Variants in COL17A1 observed in about 807,000 individuals in gnomAD.
COL17A1 encodes collagen alpha-1(XVII) chain.
COL17A1 carries 181 observed loss-of-function variants against 218.4 expected under a neutral mutation model. The ratio of observed to expected loss-of-function variants is 0.83; its 90% CI spans 0.73 to 0.94. The LOEUF (loss-of-function observed/expected upper bound fraction) is 0.94. Ranked by LOEUF, COL17A1 falls within the 40% of genes least tolerant of loss-of-function variation. COL17A1 has a pLI of 0.00. For missense variants in COL17A1, 1,924 were observed against 1,945.9 expected, an observed-to-expected ratio of 0.99 and a Z score of 0.21; for synonymous variants, 721 against 731.0, an observed-to-expected ratio of 0.99 and a Z score of 0.22.
chr10:104,033,064 T>TG, intron 53 of COL17A1, 96 bp from the exon 54 acceptor site: 1 of 1,534,970 alleles, frequency 6.5e-7, no homozygotes, highest in Middle Eastern at 1.7e-4. Context: ...GAGATAGTGA[T>TG]GGAGTTTGGA....
At chr10:104,073,914 C>T (rs2086688110) in intron 6 of COL17A1, 1 of 442,752 alleles carries the variant, frequency 2.3e-6, no homozygotes, top group Non-Finnish European at 4.2e-6. Context: ...GCCTTAGGGG[C>T]TTATCCATCC....
chr10:104,073,613 C>G (rs1164058883), intron 6 of COL17A1, among the ~76,000 whole-genome samples: 4 of 152,172 alleles, frequency 2.6e-5, no homozygotes, highest in African/African-American at 9.7e-5. Context: ...TTATTCGAGA[C>G]TGCCATGGTT....
At chr10:104,080,569 T>G in intron 2 of COL17A1, 53 bp downstream of exon 2, 9 of 1,593,858 alleles carry the variant, frequency 5.6e-6, no homozygotes, top group Non-Finnish European at 7.7e-6. Flanking sequence ...GTTTCCAAAT[T>G]TTTATTACTT....
intron 9 of COL17A1, among the ~76,000 whole-genome samples, 170 bp from the exon 10 acceptor site, chr10:104,064,766 G>A (rs2086613095): frequency 6.6e-6 from 1 of 152,186 alleles, no homozygotes; most frequent in Non-Finnish European, 1.5e-5. Flanking sequence ...TGAAATCTCA[G>A]AGCTGGTGAA....
At chr10:104,081,810 A>G (rs1346354055) in intron 1 of COL17A1, among the ~76,000 whole-genome samples, 2 of 152,208 alleles carry the variant, frequency 1.3e-5, no homozygotes, top group African/African-American at 4.8e-5. Context: ...GGCCCACAGC[A>G]CATTTTGGGG....
At position 104,050,547 on chromosome 10, in the gene COL17A1, C is replaced by G. The variant is rs964298121; in HGVS notation, c.2128+74G>C. 3 of 1,608,616 alleles carry G rather than the reference C, an allele frequency of 1.9e-6. No homozygotes were observed. In the African/African-American group the frequency reaches 4.0e-5, roughly 22 times the overall value. On this transcript the variant is annotated intron_variant, in intron 27 of 55. Transcript: ENST00000648076. ...AGGTCCTGTGCACCCTCAGACCCTA[C>G]AGTGAGGGTCCCATCTGGGCTCCCA...
intron 9 of COL17A1, among the ~76,000 whole-genome samples, chr10:104,065,392 G>T (rs748415994): frequency 1.6e-4 from 25 of 152,174 alleles, no homozygotes; most frequent in Middle Eastern, 3.4e-3. Flanking sequence ...TTATATTTCT[G>T]CCTTCCACAG....
intron 47 of COL17A1, 67 bp from the exon 48 acceptor site, chr10:104,036,699 A>G: frequency 6.3e-7 from 1 of 1,583,028 alleles, no homozygotes; most frequent in Non-Finnish European, 8.6e-7. Flanking sequence ...TGATCCAGCC[A>G]CAGCCTGGGC....
chr10:104,073,289 G>A (rs1480828044), intron 6 of COL17A1, 44 bp from the exon 7 acceptor site: 3 of 1,572,160 alleles, frequency 1.9e-6, no homozygotes, highest in Admixed American at 3.3e-5. Flanking sequence ...ATAAGAGGTG[G>A]CATGCTAAAT....
At chr10:104,059,614 G>C (rs377597241) in intron 15 of COL17A1, 24 bp downstream of exon 15, 9 of 1,602,658 alleles carry the variant, frequency 5.6e-6, no homozygotes, top group Non-Finnish European at 7.7e-6. Flanking sequence ...AGTCAAGGTG[G>C]ACAACAATCA....
chr10:104,041,268 C>G, intron 38 of COL17A1, 35 bp downstream of exon 38: 3 of 1,600,136 alleles, frequency 1.9e-6, no homozygotes, highest in Non-Finnish European at 2.6e-6. Context: ...TCTCACCTCC[C>G]CCTCCCACCT....
chr10:104,033,829 C>A lies in COL17A1; in HGVS notation c.4156+116G>T, dbSNP rs11596192. 338,286 of 1,500,576 alleles carry A rather than the reference C, an allele frequency of 0.23. 39,169 individuals are homozygous for A. Among genetic ancestry groups the A allele is most frequent in the Non-Finnish European group, 0.24 (261,696 of 1,100,808 alleles). The allele number at this position is 1,500,576 out of a possible 1,614,324, so 93.0% of individuals were successfully genotyped here. A position where few individuals can be genotyped will look rare whatever the true frequency, so the allele number is the denominator to read the frequency against. ...GCTGGGGCTGCCTGTCCCCTCCAGC[C>A]CCTGCCTGCTTGATTCTGTCTTCAC... is the stretch of plus-strand genomic sequence containing the variant. On this transcript the variant is annotated intron_variant, in intron 52 of 55. Coordinates refer to ENST00000648076, the MANE Select transcript of COL17A1 (RefSeq NM_000494.4).
In COL17A1 at chr10:104,043,872, G is replaced by A. The variant is rs372274469; in HGVS notation, c.2399-12C>T. ...AGCTCCTGGTTCACCTAGGAAGAGA[G>A]GAAAAGGCTGAGAGTGGTTGTTCTG... On this transcript the variant is annotated splice_polypyrimidine_tract_variant and intron_variant, in intron 33 of 55. Transcript: ENST00000648076. 5 of 1,614,154 alleles carry A rather than the reference G, an allele frequency of 3.1e-6. No homozygotes were observed.
At position 104,072,041 on chromosome 10, in the gene COL17A1, A is replaced by G. The variant is rs777797260; in HGVS notation, c.454T>C (p.Ser152Pro). 1 of 1,614,042 alleles carries G rather than the reference A, an allele frequency of 6.2e-7. No individual in the cohort carries two copies. Residue 152 changes from serine to proline, a missense_variant, in exon 8 of 56, where the codon TCC becomes CCC. Coordinates refer to ENST00000648076, the MANE Select transcript of COL17A1 (RefSeq NM_000494.4). ...GATCATGACCACTTACATCGGGTGG[A>G]TGGGGACGCACTCTGCAGTCGAACT... ...IRVRLQSASP[S>P]TRWTELDDVK...
chr10:104,043,635 G>T (rs2086382539), intron 34 of COL17A1, 54 bp from the exon 35 acceptor site: 4 of 1,593,652 alleles, frequency 2.5e-6, no homozygotes, highest in African/African-American at 2.7e-5. Flanking sequence ...ACTCAGAGGC[G>T]CTGGGACCCA....
rs1363280673 is a variant in COL17A1, at chr10:104,054,105, G to C, written c.1758C>G (p.Phe586Leu). 1 of 1,610,724 alleles carries C rather than the reference G, an allele frequency of 6.2e-7. No individual in the cohort carries two copies. The highest frequency in any genetic ancestry group is 2.2e-5 in the East Asian group (1 of 44,842). ...GAGAGTACATACCTGGAGTCCCAGG[G>C]AACCCTCGATCTCCTGCAGGAACAA... is the stretch of plus-strand genomic sequence containing the variant. ...GSPGPKGDRG[F>L]PGTPGIPGPL... Residue 586 changes from phenylalanine to leucine, a missense_variant, in exon 21 of 56, where the codon TTC (phenylalanine) becomes TTG (leucine). By Grantham distance (22) the Phe-to-Leu change is conservative. Transcript: ENST00000648076.
chr10:104,040,599 T>TGGAC (rs2086349818), intron 39 of COL17A1, among the ~76,000 whole-genome samples, 189 bp from the exon 40 acceptor site: 1 of 143,488 alleles, frequency 7.0e-6, no homozygotes, highest in South Asian at 2.1e-4. Context: ...GATGGATGGA[T>TGGAC]AGGTGGATGG....
intron 25 of COL17A1, among the ~76,000 whole-genome samples, chr10:104,051,221 A>G (rs1047851927): frequency 8.5e-5 from 13 of 152,160 alleles, no homozygotes; most frequent in Non-Finnish European, 1.6e-4. Context: ...GCTTGCTCAG[A>G]TGGAGGCAGG....
At chr10:104,046,897 G>A (rs1233557280) in intron 31 of COL17A1, 124 bp from the exon 32 acceptor site, 84 of 870,008 alleles carry the variant, frequency 9.7e-5, no homozygotes, top group African/African-American at 1.3e-4. Flanking sequence ...AGAAGGACAC[G>A]TCTCATGCCG....
Sources: allele counts gnomAD v4.1 joint callset (sites outside exome capture counted in the v4.1 genomes callset), GRCh38; gene constraint gnomAD v4.1.1; transcripts MANE v1.5; gene names NCBI Gene and HGNC (gene_info 2026-07-23, HGNC 2026-07-21).